Variants in DPP6 observed in about 807,000 individuals in gnomAD.
The protein encoded by DPP6 is A-type potassium channel modulatory protein DPP6.
In DPP6, 69 loss-of-function variants were observed where a neutral mutation model predicts 122.6. The observed-to-expected ratio is 0.56, with a 90% CI of 0.46 to 0.69. The LOEUF is 0.69. DPP6 is among the 30% of genes least tolerant of loss of function. The pLI is 0.00. For missense variants in DPP6, 928 were observed against 1,116.9 expected, an observed-to-expected ratio of 0.83 and a Z score of 2.41; for synonymous variants, 418 against 433.1, an observed-to-expected ratio of 0.97 and a Z score of 0.43.
intron 1 of DPP6, among the ~76,000 whole-genome samples, chr7:154,205,058 T>C (rs1323268164): frequency 6.6e-6 from 1 of 152,204 alleles, no homozygotes; most frequent in Non-Finnish European, 1.5e-5. Flanking sequence ...CTCTGGTCCT[T>C]CATTAGTCAT....
Position 154,227,808 on chromosome 7 carries a change from G to A in DPP6, c.243+174745G>A, listed in dbSNP as rs116374621. ...TGCCAGACACTGTCATGATCAGAGG[G>A]TGGAAACCCCTGCTATTTGAATGGA... On this transcript the variant is annotated intron_variant, in intron 1 of 25. Transcript: ENST00000377770. Among the ~76,000 whole-genome samples the A allele has an allele frequency of 1.4e-3, 206 of 152,292 alleles. 2 individuals are homozygous for A. Among genetic ancestry groups the A allele is most frequent in the African/African-American group, 4.8e-3 (200 of 41,568 alleles).
At chr7:154,127,937 G>A (rs1412985262) in intron 1 of DPP6, among the ~76,000 whole-genome samples, 2 of 150,028 alleles carry the variant, frequency 1.3e-5, no homozygotes, top group East Asian at 3.9e-4. Flanking sequence ...TGAAATCTTT[G>A]TTCCTATTAA....
At chr7:154,398,188 A>ATGTTGTGCATATGTAGCTTGTT (rs1815254316) in intron 1 of DPP6, among the ~76,000 whole-genome samples, 1 of 152,182 alleles carries the variant, frequency 6.6e-6, no homozygotes, top group Non-Finnish European at 1.5e-5. Context: ...CAGTCACCAG[A>ATGTTGTGCATATGTAGCTTGTT]TGTTGTGCAT....
chr7:154,175,038 C>T lies in DPP6; in HGVS notation c.243+121975C>T, dbSNP rs546221805. Among the ~76,000 whole-genome samples the T allele has an allele frequency of 9.9e-5, 15 of 152,020 alleles. No homozygotes were observed. The South Asian group carries it at 3.1e-3, about 32-fold the overall frequency. ...GCAGGCCCCTGCAACACGCGCCCCC[C>T]ACCCCTGTCTAATTTTTGTATTTTT... On this transcript the variant is annotated intron_variant, in intron 1 of 25. Transcript: ENST00000377770.
chr7:154,049,152 A>G (rs1297840121), upstream of DPP6, among the ~76,000 whole-genome samples: 1 of 151,222 alleles, frequency 6.6e-6, no homozygotes, highest in Non-Finnish European at 1.5e-5. Flanking sequence ...AAGTAGGAAT[A>G]AAAATCTGCT....
At chr7:154,015,582 T>G (rs1306655509) in intron 1 of DPP6, among the ~76,000 whole-genome samples, 3 of 152,164 alleles carry the variant, frequency 2.0e-5, no homozygotes, top group East Asian at 1.9e-4. Flanking sequence ...TCTCAGTAAA[T>G]GGCACCACCA....
At chr7:154,017,707 AT>A (rs1406631833) in intron 1 of DPP6, among the ~76,000 whole-genome samples, 24 of 123,802 alleles carry the variant, frequency 1.9e-4, no homozygotes, top group African/African-American at 7.5e-4. Context: ...CCTAAAAAAA[AT>A]AAAAAAAAAA....
intron 16 of DPP6, among the ~76,000 whole-genome samples, chr7:154,811,748 C>T (rs1253063147): frequency 2.0e-5 from 3 of 152,110 alleles, no homozygotes; most frequent in Non-Finnish European, 4.4e-5. Flanking sequence ...TCTAGAGCAA[C>T]GTTTAGTCAA....
intron 7 of DPP6, among the ~76,000 whole-genome samples, chr7:154,705,068 C>T (rs1411823056): frequency 6.6e-6 from 1 of 152,114 alleles, no homozygotes; most frequent in Non-Finnish European, 1.5e-5. Flanking sequence ...GGAGCTCCTC[C>T]AGGGCAAAGA....
chr7:154,070,646 A>G (rs974075732), intron 1 of DPP6, among the ~76,000 whole-genome samples: 1 of 152,206 alleles, frequency 6.6e-6, no homozygotes, highest in Non-Finnish European at 1.5e-5. Flanking sequence ...TAGCTAAGTC[A>G]GTTTCCTTCA....
rs912990173 is a variant in DPP6 at position 154,052,468 on chromosome 7, G to GT, written c.-345dup. Reference sequence around the variant, plus strand: ...GCATTTCCCTCGCTTTATGTTTTTGGTTTTTTTTCTTCCTTCAATCTCTTT... The same window carrying GT: ...GCATTTCCCTCGCTTTATGTTTTTGGTTTTTTTTTCTTCCTTCAATCTCTTT... On this transcript the variant is annotated 5_prime_UTR_variant, in exon 1 of 26. It introduces an in-frame stop codon into an upstream open reading frame of the 5' UTR. Coordinates refer to ENST00000377770, the MANE Select transcript of DPP6 (RefSeq NM_130797.4). This position sits in a 1 kb window ranked among gnomAD's most constrained non-coding sequence, Gnocchi z 4.8. The GT allele has an allele frequency of 1.0e-4, 33 of 317,976 alleles. No homozygotes were observed. The highest frequency in any genetic ancestry group is 1.6e-4 in the East Asian group (1 of 6,420). 19.7% of individuals were successfully genotyped at this position (317,976 alleles called of 1,614,324 possible).
At chr7:154,633,153 G>T (rs561054336) in intron 5 of DPP6, among the ~76,000 whole-genome samples, 7 of 152,126 alleles carry the variant, frequency 4.6e-5, no homozygotes, top group Non-Finnish European at 1.0e-4. Flanking sequence ...ATAACTGAAA[G>T]CAGCCTTACT....
chr7:154,734,931 G>A (rs768650338), intron 8 of DPP6, among the ~76,000 whole-genome samples: 1 of 152,156 alleles, frequency 6.6e-6, no homozygotes, highest in African/African-American at 2.4e-5. Context: ...CACTGGTAAC[G>A]TCTACGTATT....
At chr7:154,739,399 C>G (rs144751087) in intron 8 of DPP6, among the ~76,000 whole-genome samples, 3 of 152,134 alleles carry the variant, frequency 2.0e-5, no homozygotes, top group Non-Finnish European at 4.4e-5. Flanking sequence ...AGCAGGCAGC[C>G]GTCCAGGGCA....
At chr7:153,794,178 T>C in the DPP6 span, among the ~76,000 whole-genome samples, 1 of 152,168 alleles carries the variant, frequency 6.6e-6, no homozygotes, top group Non-Finnish European at 1.5e-5. Flanking sequence ...GAATGGTAGA[T>C]CCACCAACAG....
At chr7:154,488,728 C>A (rs944357537) in intron 3 of DPP6, among the ~76,000 whole-genome samples, 2 of 152,252 alleles carry the variant, frequency 1.3e-5, no homozygotes. Context: ...AATCTTCCAA[C>A]TGGATGGGGC....
chr7:154,606,764 A>G (rs1440356985), intron 5 of DPP6, among the ~76,000 whole-genome samples: 1 of 121,110 alleles, frequency 8.3e-6, no homozygotes, highest in African/African-American at 2.6e-5. Flanking sequence ...GAAAAGTTAG[A>G]TGGTCATAAA....
chr7:153,945,163 C>T (rs773414662), intron 1 of DPP6, among the ~76,000 whole-genome samples: 4 of 152,206 alleles, frequency 2.6e-5, no homozygotes, highest in African/African-American at 4.8e-5. Flanking sequence ...ACAACTGCTG[C>T]TCTGTGTGTT....
At chr7:153,871,543 C>T in the DPP6 span, among the ~76,000 whole-genome samples, 7 of 152,288 alleles carry the variant, frequency 4.6e-5, no homozygotes, top group African/African-American at 1.4e-4. Context: ...TTCCAGGTGC[C>T]GTCTGTCACC....
Sources: gnomAD v4.1 joint callset for allele counts (sites outside exome capture counted in the v4.1 genomes callset) on GRCh38, gnomAD v4.1.1 for gene constraint, Gnocchi (gnomAD v3.1) non-coding constraint, MANE v1.5 for transcripts, NCBI Gene and HGNC (gene_info 2026-07-23, HGNC 2026-07-21) for gene names.